Variants in CARNS1 observed in about 807,000 individuals in gnomAD.
CARNS1 encodes ATP-grasp domain containing 1.
CARNS1 carries 61 observed loss-of-function variants against 74.0 expected under a neutral mutation model. That is an observed-to-expected ratio of 0.82 (90% CI 0.67 to 1.02). CARNS1 has a LOEUF of 1.02. Among genes scored for constraint, CARNS1 ranks in the 50% least tolerant of loss-of-function variants. The pLI is 0.00. For missense variants in CARNS1, 1,278 were observed against 1,308.4 expected (o/e 0.98, Z 0.36); for synonymous variants, 568 against 605.5 (o/e 0.94, Z 0.91).
At chr11:67,416,775 G>A (rs890527475) in intron 2 of CARNS1, 1 of 986,316 alleles carries the variant, frequency 1.0e-6, no homozygotes, top group Admixed American at 6.1e-5. Flanking sequence ...TCAGAGAGGG[G>A]AGGGACGTTA....
chr11:67,419,238 C>T lies in CARNS1; in HGVS notation c.847C>T (p.Leu283=), dbSNP rs540110917. 12 of 1,474,994 alleles carry T rather than the reference C, an allele frequency of 8.1e-6. No individual in the cohort carries two copies. In the South Asian group the frequency reaches 1.5e-4, roughly 19 times the overall value. 91.4% of individuals were successfully genotyped at this position (1,474,994 alleles called of 1,614,324 possible). Residue 283 remains leucine, a synonymous_variant, in exon 5 of 10, where the codon CTG becomes TTG. Transcript: ENST00000687366. ...FLRSEALGDI[L]QVAVKLSGWR... is the part of the protein sequence containing the mutation. Reference sequence around the variant, plus strand: ...GCGCTCCGAGGCCCTGGGTGATATCCTGCAGGTAACAGACTCTCGCCCACC... The same window carrying T: ...GCGCTCCGAGGCCCTGGGTGATATCTTGCAGGTAACAGACTCTCGCCCACC...
chr11:67,418,563 G>A (rs886339465), intron 4 of CARNS1, 43 bp downstream of exon 4: 11 of 1,513,708 alleles, frequency 7.3e-6, no homozygotes, highest in Admixed American at 2.1e-5. Flanking sequence ...CTACAGAAAG[G>A]GCAGCCCTGC....
chr11:67,417,189 C>A (rs1863564247), intron 2 of CARNS1: 8 of 1,225,508 alleles, frequency 6.5e-6, no homozygotes, highest in Non-Finnish European at 8.1e-6. Context: ...GCCCTCCCCC[C>A]AGGGGCACCA....
In CARNS1 at chr11:67,418,959, G is replaced by A. The variant is rs1863617703; in HGVS notation, c.568G>A (p.Ala190Thr). ...GLGPGRGREA[A>T]ELARDLTCPT... is the part of the protein sequence containing the mutation. The stretch of plus-strand genomic sequence containing the variant: ...GGGGCCTGGCCGGGGCCGAGAGGCA[G>A]CAGAACTCGCCCGTGACCTGACCTG... The change falls in exon 5 of 10, where the codon GCA becomes ACA. Residue 190 changes from alanine (A) to threonine (T), a missense_variant. Ala to Thr is a moderately conservative substitution (Grantham distance 58). Around this residue, in one of 3 missense-constraint regions of CARNS1, gnomAD observed 1,164 missense variants for 1,156.5 expected, o/e 1.01. Transcript: ENST00000687366. The A allele has an allele frequency of 6.4e-7, 1 of 1,571,124 alleles. No homozygotes were observed. Among genetic ancestry groups the A allele is most frequent in the South Asian group, 1.2e-5 (1 of 86,156 alleles).
rs1863751150 is a variant in CARNS1, at chr11:67,423,362, G to A, written c.1627-13G>A. On this transcript the variant is annotated splice_polypyrimidine_tract_variant and intron_variant, in intron 9 of 9. Transcript: ENST00000687366. This position sits in a 1 kb window ranked among gnomAD's most constrained non-coding sequence, Gnocchi z 5.1. ...AGCTGACCTGGATATGCCCCACCCTGTGGCTTCTGCAGCTGCACCTCGTGG... is the reference window on the plus strand; with the variant it reads ...AGCTGACCTGGATATGCCCCACCCTATGGCTTCTGCAGCTGCACCTCGTGG... The A allele has an allele frequency of 6.3e-7, 1 of 1,589,902 alleles. No homozygotes were observed. The highest frequency in any genetic ancestry group is 8.6e-7 in the Non-Finnish European group (1 of 1,165,070).
Position 67,420,842 on chromosome 11 carries a change from T to TACTC in CARNS1, c.1345+2_1345+3insACTC, listed in dbSNP as rs1487366547. On this transcript the variant is annotated splice_region_variant and intron_variant, in intron 8 of 9. Coordinates refer to ENST00000687366, the MANE Select transcript of CARNS1 (RefSeq NM_001166222.2). ...GCCGGGCGCACACGGACTTCCTGGGTGAGTGAGGGCGGCCGGGGCCGGGGC... is the reference window on the plus strand; with the variant it reads ...GCCGGGCGCACACGGACTTCCTGGGTACTCGAGTGAGGGCGGCCGGGGCCGGGGC... The TACTC allele has an allele frequency of 8.8e-6, 11 of 1,248,548 alleles. No homozygotes were observed. The highest frequency in any genetic ancestry group is 1.1e-5 in the Non-Finnish European group (11 of 999,322). The allele number at this position is 1,248,548 out of a possible 1,614,324, so 77.3% of individuals were successfully genotyped here.
rs149620476 is a variant in CARNS1 at position 67,423,999 on chromosome 11, G to A, written c.2251G>A (p.Asp751Asn). 981 of 1,613,148 alleles carry A rather than the reference G, an allele frequency of 6.1e-4. 11 individuals carry two copies. The African/African-American group carries it at 0.012, about 19-fold the overall frequency. Residue 751 changes from aspartate to asparagine, a missense_variant, in exon 10 of 10, where the codon GAC becomes AAC. Transcript: ENST00000687366. This position sits in a 1 kb window ranked among gnomAD's most constrained non-coding sequence, Gnocchi z 5.1. ...GGRLLAAFVS[D>N]NGPTRLPGFT... The stretch of plus-strand genomic sequence containing the variant: ...GCGGTTGCTGGCTGCCTTTGTCTCC[G>A]ACAATGGCCCTACGAGGCTGCCTGG...
Position 67,421,108 on chromosome 11 carries a change from G to A in CARNS1, c.1515G>A (p.Met505Ile), listed in dbSNP as rs1411435762. 4 of 1,453,570 alleles carry A rather than the reference G, an allele frequency of 2.8e-6. No individual in the cohort carries two copies. Among genetic ancestry groups the A allele is most frequent in the South Asian group, 1.3e-5 (1 of 74,940 alleles). The allele number at this position is 1,453,570 out of a possible 1,614,324, so 90.0% of individuals were successfully genotyped here. A position where few individuals can be genotyped will look rare whatever the true frequency, so the allele number is the denominator to read the frequency against. The change falls in exon 9 of 10, where the codon ATG (methionine) becomes ATA (isoleucine). Residue 505 changes from methionine (M) to isoleucine (I), a missense_variant. Met to Ile is a conservative substitution (Grantham distance 10). Coordinates refer to ENST00000687366, the MANE Select transcript of CARNS1 (RefSeq NM_001166222.2). The stretch of plus-strand genomic sequence containing the variant: ...TGGCGGCGCCGCTGGTGGAGACCAT[G>A]CTTCGGCGGTCGGCGCGCTGCCTCA... ...EAVAAPLVETMLRRSARCLME... is the reference protein window; with the variant it reads ...EAVAAPLVETILRRSARCLME...
At chr11:67,415,973 C>A in intron 1 of CARNS1, 1 of 558,402 alleles carries the variant, frequency 1.8e-6, no homozygotes, top group Non-Finnish European at 3.2e-6. Context: ...GACCTGTGAG[C>A]CGCACTGGGG....
Position 67,421,007 on chromosome 11 carries a change from C to T in CARNS1, c.1414C>T (p.Leu472=). 1 of 1,416,442 alleles carries T rather than the reference C, an allele frequency of 7.1e-7. No homozygotes were observed. The highest frequency in any genetic ancestry group is 9.2e-7 in the Non-Finnish European group (1 of 1,088,808). The allele number at this position is 1,416,442 out of a possible 1,614,324, so 87.7% of individuals were successfully genotyped here. A position where few individuals can be genotyped will look rare whatever the true frequency, so the allele number is the denominator to read the frequency against. The change falls in exon 9 of 10, where the codon CTG becomes TTG. Residue 472 remains leucine (L), a synonymous_variant. Transcript: ENST00000687366. ...TPVALELNGG[L]CLEACGALEG... is the part of the protein sequence containing the mutation. ...AGTGGCCCTGGAGCTGAACGGCGGC[C>T]TGTGTCTGGAGGCGTGCGGCGCGCT... is the stretch of plus-strand genomic sequence containing the variant.
At chr11:67,418,654 G>A (rs1033574395) in intron 4 of CARNS1, 102 bp from the exon 5 acceptor site, 2 of 1,450,574 alleles carry the variant, frequency 1.4e-6, no homozygotes, top group Admixed American at 2.4e-5. Context: ...ATGCTGAATG[G>A]GGATGGGTTC....
intron 3 of CARNS1, 45 bp downstream of exon 3, chr11:67,417,722 G>C (rs1298511921): frequency 3.3e-6 from 4 of 1,213,206 alleles, no homozygotes; most frequent in African/African-American, 1.6e-5. Flanking sequence ...GGGGCAGGGA[G>C]GGGCCCTCAG....
In CARNS1 at chr11:67,420,824, G is replaced by GC. The variant is rs1863676125; in HGVS notation, c.1330dup (p.His444ProfsTer122). On this transcript the variant is annotated frameshift_variant, in exon 8 of 10. Transcript: ENST00000687366. LOFTEE classifies it high-confidence loss of function. ...CCGAGCAGCGCGGCGGGCGCCGGGC[G>GC]CACACGGACTTCCTGGGTGAGTGAG... 4.9e-6 allele frequency: 6 copies of GC among 1,223,000 alleles called. No homozygotes were observed. The highest frequency in any genetic ancestry group is 6.1e-6 in the Non-Finnish European group (6 of 983,286). The allele number at this position is 1,223,000 out of a possible 1,614,324, so 75.8% of individuals were successfully genotyped here. A position where few individuals can be genotyped will look rare whatever the true frequency, so the allele number is the denominator to read the frequency against.
chr11:67,418,158 C>T (rs1482802152), intron 3 of CARNS1, among the ~76,000 whole-genome samples: 2 of 152,178 alleles, frequency 1.3e-5, no homozygotes, highest in African/African-American at 4.8e-5. Flanking sequence ...ACTGACTCCT[C>T]CAAGGTTACA....
chr11:67,420,381 G>A (rs1647061219), intron 7 of CARNS1, among the ~76,000 whole-genome samples: 1 of 152,194 alleles, frequency 6.6e-6, no homozygotes, highest in Admixed American at 6.5e-5. Context: ...ATCCTGGAGG[G>A]GGACCCCAGC....
chr11:67,417,188 C>T lies in CARNS1; in HGVS notation c.4-219C>T, dbSNP rs1213579306. On this transcript the variant is annotated intron_variant, in intron 2 of 9. Transcript: ENST00000687366. ...CAAGACATTGCTTCCTGCCCTCCCC[C>T]CAGGGGCACCACACAGAACAGTTTA... The T allele has an allele frequency of 5.7e-6, 7 of 1,225,206 alleles. No homozygotes were observed. The South Asian group carries it at 1.7e-4, about 30-fold the overall frequency. 75.9% of individuals were successfully genotyped at this position (1,225,206 alleles called of 1,614,324 possible). A position where few individuals can be genotyped will look rare whatever the true frequency, so the allele number is the denominator to read the frequency against.
intron 2 of CARNS1, chr11:67,416,413 C>T (rs1863545866): frequency 7.1e-7 from 1 of 1,399,762 alleles, no homozygotes; most frequent in Non-Finnish European, 9.3e-7. Context: ...CATTCCATGG[C>T]CCCTCAGGGA....
chr11:67,423,554 G>A lies in CARNS1; in HGVS notation c.1806G>A (p.Val602=), dbSNP rs773116093. The A allele has an allele frequency of 3.1e-6, 5 of 1,612,120 alleles. No homozygotes were observed. Among genetic ancestry groups the A allele is most frequent in the Non-Finnish European group, 4.2e-6 (5 of 1,179,152 alleles). ...TCTCCTACTGGGATGACTGCCTGGT[G>A]CTCACAGCCCTGCTCTGCCAGGAGC... is the stretch of plus-strand genomic sequence containing the variant. ...GCFSYWDDCL[V]LTALLCQELG... is the part of the protein sequence containing the mutation. Residue 602 remains valine, a synonymous_variant, in exon 10 of 10, where the codon GTG becomes GTA. Coordinates refer to ENST00000687366, the MANE Select transcript of CARNS1 (RefSeq NM_001166222.2). The surrounding 1 kb of genome is among the most constrained non-coding windows in gnomAD (Gnocchi z 5.1).
chr11:67,417,073 C>T lies in CARNS1; in HGVS notation c.4-334C>T, dbSNP rs977320593. On this transcript the variant is annotated intron_variant, in intron 2 of 9. Coordinates refer to ENST00000687366, the MANE Select transcript of CARNS1 (RefSeq NM_001166222.2). ...AGGCACGCTTTAGGTGCTGGGGTTG[C>T]CTCCATGAACAAAACAAGCAGAAAA... 1.4e-5 allele frequency: 15 copies of T among 1,078,898 alleles called. No homozygotes were observed. In the African/African-American group the frequency reaches 2.1e-4, roughly 15 times the overall value. The allele number at this position is 1,078,898 out of a possible 1,614,324, so 66.8% of individuals were successfully genotyped here.
Sources: allele counts gnomAD v4.1 joint callset (sites outside exome capture counted in the v4.1 genomes callset), GRCh38; gene constraint gnomAD v4.1.1; regional missense constraint gnomAD v4.1.1; non-coding constraint Gnocchi (gnomAD v3.1); transcripts MANE v1.5; gene names NCBI Gene and HGNC (gene_info 2026-07-23, HGNC 2026-07-21).